ZNF382: variants seen among roughly 807,000 people sequenced by gnomAD.
ZNF382 encodes zinc finger protein 382.
A neutral mutation model predicts 38.8 loss-of-function variants in ZNF382; 20 were observed. The ratio of observed to expected loss-of-function variants is 0.51; its 90% CI spans 0.36 to 0.75. The LOEUF is 0.75. Ranked by LOEUF, ZNF382 falls within the 30% of genes least tolerant of loss-of-function variation. The pLI, the probability that ZNF382 is intolerant of heterozygous loss-of-function variation, is 0.00. For synonymous variants in ZNF382, 202 were observed against 223.1 expected (o/e 0.91, Z 0.84); for missense variants, 546 against 654.1 (o/e 0.83, Z 1.80).
At chr19:36,620,731 CTTAT>C (rs2037162357) in intron 4 of ZNF382, among the ~76,000 whole-genome samples, 2 of 151,828 alleles carry the variant, frequency 1.3e-5, no homozygotes, top group South Asian at 4.2e-4. Flanking sequence ...TATCTTTACT[CTTAT>C]TTGTTTATTC....
chr19:36,610,012 GGGATGTGATGTT>G lies in ZNF382; in HGVS notation c.102_113del (p.Asp34_Leu37del). 1 of 1,613,672 alleles carries G rather than the reference GGGATGTGATGTT, an allele frequency of 6.2e-7. No individual in the cohort carries two copies. Among genetic ancestry groups the G allele is most frequent in the Non-Finnish European group, 8.5e-7 (1 of 1,179,904 alleles). On this transcript the variant is annotated inframe_deletion, in exon 3 of 5. Transcript: ENST00000292928. ...GACCCTGCTCAGAAGGCGCTTTACA[GGGATGTGATGTT>G]GGAAAACTATTGCCACTTCGTATCT...
At position 36,610,771 on chromosome 19, in the gene ZNF382, A is replaced by G. The variant is rs200327159; in HGVS notation, c.232+29A>G. 2.6e-6 allele frequency: 4 copies of G among 1,527,822 alleles called. No individual in the cohort carries two copies. In the Admixed American group the frequency reaches 7.3e-5, roughly 28 times the overall value. 94.6% of individuals were successfully genotyped at this position (1,527,822 alleles called of 1,614,324 possible). A position where few individuals can be genotyped will look rare whatever the true frequency, so the allele number is the denominator to read the frequency against. On this transcript the variant is annotated intron_variant, in intron 4 of 4. Coordinates refer to ENST00000292928, the MANE Select transcript of ZNF382 (RefSeq NM_032825.5). ...AGTCTATAAATGAAGTCTAGTGAAC[A>G]TTAAATGTCAAGTAGTTGAAGCCTT...
At position 36,626,546 on chromosome 19, in the gene ZNF382, T is replaced by C; in HGVS notation, c.649T>C (p.Cys217Arg). 1.9e-6 allele frequency: 3 copies of C among 1,613,332 alleles called. No individual in the cohort carries two copies. The highest frequency in any genetic ancestry group is 2.5e-6 in the Non-Finnish European group (3 of 1,179,808). Residue 217 changes from cysteine to arginine, a missense_variant, in exon 5 of 5, where the codon TGT becomes CGT. By Grantham distance (180) the Cys-to-Arg change is radical (BLOSUM62 -3). Coordinates refer to ENST00000292928, the MANE Select transcript of ZNF382 (RefSeq NM_032825.5). Reference protein sequence around the residue: ...APEQPFDHNECEKSFLMKGML... With the variant: ...APEQPFDHNEREKSFLMKGML... ...AGAGCAACCATTTGACCATAATGAA[T>C]GTGAAAAATCCTTCCTGATGAAAGG... is the stretch of plus-strand genomic sequence containing the variant.
rs931731705 is a variant in ZNF382, at chr19:36,630,025, T to G, written c.*2475T>G. On this transcript the variant is annotated 3_prime_UTR_variant, in exon 5 of 5. Transcript: ENST00000292928. ...AGGTGATTTTGGCATGAAGAAAAAC[T>G]GGCCATAAAATACAGTTGAAGATTT... 3.9e-5 allele frequency: 6 copies of G among 152,204 alleles called. No homozygotes were observed. The highest frequency in any genetic ancestry group is 2.9e-5 in the Non-Finnish European group (2 of 68,026). 9.4% of individuals were successfully genotyped at this position (152,204 alleles called of 1,614,324 possible).
At chr19:36,625,325 T>C (rs2037203751) in intron 4 of ZNF382, among the ~76,000 whole-genome samples, 1 of 151,496 alleles carries the variant, frequency 6.6e-6, no homozygotes, top group Admixed American at 6.6e-5. Flanking sequence ...AGAAAGTTCA[T>C]TTACCATTCA....
At chr19:36,621,324 GTTTTT>G (rs10557413) in intron 4 of ZNF382, among the ~76,000 whole-genome samples, 21 of 104,498 alleles carry the variant, frequency 2.0e-4, no homozygotes, top group East Asian at 1.7e-3. Flanking sequence ...TTTTTCCCTA[GTTTTT>G]TTTTTTTTTT....
Position 36,626,573 on chromosome 19 carries a change from A to G in ZNF382, c.676A>G (p.Met226Val), listed in dbSNP as rs147860932. The G allele has an allele frequency of 8.1e-5, 130 of 1,613,844 alleles. No homozygotes were observed. Among genetic ancestry groups the G allele is most frequent in the Non-Finnish European group, 1.1e-4 (127 of 1,179,982 alleles). Residue 226 changes from methionine (M) to valine (V), a missense_variant, in exon 5 of 5, where the codon ATG (methionine) becomes GTG (valine). Met to Val is a conservative substitution (Grantham distance 21). Transcript: ENST00000292928. Reference sequence around the variant, plus strand: ...TGAAAAATCCTTCCTGATGAAAGGAATGCTATTTACACATACTAGAGCTCA... The same window carrying G: ...TGAAAAATCCTTCCTGATGAAAGGAGTGCTATTTACACATACTAGAGCTCA... Reference protein sequence around the residue: ...ECEKSFLMKGMLFTHTRAHRG... With the variant: ...ECEKSFLMKGVLFTHTRAHRG...
intron 2 of ZNF382, 33 bp downstream of exon 2, chr19:36,607,655 CT>C (rs1568626262): frequency 1.3e-6 from 2 of 1,506,702 alleles, no homozygotes; most frequent in African/African-American, 1.4e-5. Flanking sequence ...TCTGAAATAA[CT>C]TTTTTTCATG....
chr19:36,626,589 C>G lies in ZNF382; in HGVS notation c.692C>G (p.Thr231Ser). Residue 231 changes from threonine (T) to serine (S), a missense_variant, in exon 5 of 5, where the codon ACT (threonine) becomes AGT (serine). By Grantham distance (58) the Thr-to-Ser change is moderately conservative. Coordinates refer to ENST00000292928, the MANE Select transcript of ZNF382 (RefSeq NM_032825.5). ...FLMKGMLFTHTRAHRGERTFE... is the reference protein window; with the variant it reads ...FLMKGMLFTHSRAHRGERTFE... The stretch of plus-strand genomic sequence containing the variant: ...ATGAAAGGAATGCTATTTACACATA[C>G]TAGAGCTCACAGAGGAGAAAGAACC... 6.2e-7 allele frequency: 1 copy of G among 1,614,138 alleles called. No individual in the cohort carries two copies. The highest frequency in any genetic ancestry group is 1.6e-4 in the Middle Eastern group (1 of 6,062).
At chr19:36,620,069 C>A (rs968187673) in intron 4 of ZNF382, among the ~76,000 whole-genome samples, 1 of 152,012 alleles carries the variant, frequency 6.6e-6, no homozygotes, top group Non-Finnish European at 1.5e-5. Flanking sequence ...AAATAAAAAT[C>A]ATTGTTTAAT....
chr19:36,605,718 T>G (rs1600384035), intron 1 of ZNF382: 2 of 152,282 alleles, frequency 1.3e-5, no homozygotes, highest in Non-Finnish European at 2.9e-5. Flanking sequence ...GCGCCCAACC[T>G]GCTGCATTTT....
At chr19:36,621,453 A>G (rs764948464) in intron 4 of ZNF382, among the ~76,000 whole-genome samples, 30 of 151,726 alleles carry the variant, frequency 2.0e-4, no homozygotes, top group Non-Finnish European at 2.8e-4. Flanking sequence ...GTCATTCCAA[A>G]TGTATTTCTG....
intron 4 of ZNF382, among the ~76,000 whole-genome samples, chr19:36,615,508 A>G (rs1008766544): frequency 6.6e-6 from 1 of 151,920 alleles, no homozygotes; most frequent in Admixed American, 6.6e-5. Context: ...GCTTATCCAA[A>G]ACTCTTATTC....
At chr19:36,622,314 G>C (rs989057371) in intron 4 of ZNF382, among the ~76,000 whole-genome samples, 2 of 152,008 alleles carry the variant, frequency 1.3e-5, no homozygotes, top group Non-Finnish European at 2.9e-5. Flanking sequence ...AGCCACCGGT[G>C]GCACCCGGCC....
intron 4 of ZNF382, among the ~76,000 whole-genome samples, chr19:36,616,797 C>G (rs1466601738): frequency 6.6e-6 from 1 of 152,116 alleles, no homozygotes; most frequent in Non-Finnish European, 1.5e-5. Flanking sequence ...TCCTTCTCAG[C>G]TGCAGGTAGT....
chr19:36,627,080 C>G lies in ZNF382; in HGVS notation c.1183C>G (p.Leu395Val). 1 of 1,614,010 alleles carries G rather than the reference C, an allele frequency of 6.2e-7. No homozygotes were observed. The highest frequency in any genetic ancestry group is 8.5e-7 in the Non-Finnish European group (1 of 1,180,020). ...CGSAFRKKSY[L>V]IDHQRTHTGE... ...AAGTGCCTTTAGGAAGAAGTCATAC[C>G]TCATTGATCACCAGAGAACTCACAC... The change falls in exon 5 of 5, where the codon CTC becomes GTC. Residue 395 changes from leucine (L) to valine (V), a missense_variant. Leu to Val is a conservative substitution (Grantham distance 32). Coordinates refer to ENST00000292928, the MANE Select transcript of ZNF382 (RefSeq NM_032825.5).
chr19:36,615,122 A>T (rs2037115847), intron 4 of ZNF382, among the ~76,000 whole-genome samples: 1 of 150,772 alleles, frequency 6.6e-6, no homozygotes, highest in African/African-American at 2.4e-5. Context: ...AGTAGCTGGG[A>T]TGACAGGTGG....
rs1436348035 is a variant in ZNF382, at chr19:36,633,057, T to G, written c.*5507T>G. On this transcript the variant is annotated 3_prime_UTR_variant, in exon 5 of 5. Transcript: ENST00000292928. ...TATAATCAGGCTTTTTTTTTTTTTT[T>G]GAGACAGTGTCTCGCTCTGTCGCCC... is the stretch of plus-strand genomic sequence containing the variant. The G allele has an allele frequency of 3.4e-4, 48 of 141,736 alleles. No homozygotes were observed. The highest frequency in any genetic ancestry group is 9.4e-4 in the African/African-American group (34 of 36,248). 8.8% of individuals were successfully genotyped at this position (141,736 alleles called of 1,614,324 possible).
At position 36,630,385 on chromosome 19, in the gene ZNF382, G is replaced by C. The variant is rs995092097; in HGVS notation, c.*2835G>C. 6.8e-6 allele frequency: 1 copy of C among 147,220 alleles called. No individual in the cohort carries two copies. The highest frequency in any genetic ancestry group is 1.5e-5 in the Non-Finnish European group (1 of 67,124). 9.1% of individuals were successfully genotyped at this position (147,220 alleles called of 1,614,324 possible). A position where few individuals can be genotyped will look rare whatever the true frequency, so the allele number is the denominator to read the frequency against. ...TCTTTTTTTTTTTTTTTGAGACAGA[G>C]TTTCACTTTTGTTTCCCAGGCTGGA... is the stretch of plus-strand genomic sequence containing the variant. On this transcript the variant is annotated 3_prime_UTR_variant, in exon 5 of 5. Transcript: ENST00000292928.
Sources: gnomAD v4.1 joint callset for allele counts (sites outside exome capture counted in the v4.1 genomes callset) on GRCh38, gnomAD v4.1.1 for gene constraint, MANE v1.5 for transcripts, NCBI Gene and HGNC (gene_info 2026-07-23, HGNC 2026-07-21) for gene names.